Variants in SH3RF1 observed in about 807,000 individuals in gnomAD.
SH3RF1 encodes E3 ubiquitin-protein ligase SH3RF1.
A neutral mutation model predicts 74.0 loss-of-function variants in SH3RF1; 32 were observed. That is an observed-to-expected ratio of 0.43 (90% CI 0.33 to 0.58). The LOEUF (loss-of-function observed/expected upper bound fraction) is 0.58, where lower values mean the gene tolerates loss of function less well. Among genes scored for constraint, SH3RF1 ranks in the 20% least tolerant of loss-of-function variants. The pLI, the probability that SH3RF1 is intolerant of heterozygous loss-of-function variation, is 0.05. For missense variants in SH3RF1, 954 were observed against 1,130.9 expected, an observed-to-expected ratio of 0.84 and a Z score of 2.24; for synonymous variants, 396 against 439.6, an observed-to-expected ratio of 0.90 and a Z score of 1.24.
chr4:169,254,696 T>TAA (rs909149614), intron 2 of SH3RF1, among the ~76,000 whole-genome samples: 2 of 152,056 alleles, frequency 1.3e-5, no homozygotes, highest in African/African-American at 4.8e-5. Flanking sequence ...CATGAGGATG[T>TAA]AAAAACAAGG....
chr4:169,180,830 T>C (rs1313298100), intron 2 of SH3RF1, among the ~76,000 whole-genome samples: 1 of 152,222 alleles, frequency 6.6e-6, no homozygotes, highest in African/African-American at 2.4e-5. Flanking sequence ...TAGACACTTA[T>C]TCTTTAGGCT....
intron 8 of SH3RF1, 88 bp downstream of exon 8, chr4:169,120,731 T>C: frequency 1.4e-6 from 2 of 1,405,538 alleles, no homozygotes; most frequent in Non-Finnish European, 1.9e-6. Flanking sequence ...AATTATAATG[T>C]GAAAGGAATC....
At chr4:169,229,516 G>A (rs1239332812) in intron 2 of SH3RF1, among the ~76,000 whole-genome samples, 2 of 150,750 alleles carry the variant, frequency 1.3e-5, no homozygotes, top group Non-Finnish European at 2.9e-5. Flanking sequence ...ATTTGGAAAA[G>A]GACGTATACC....
intron 11 of SH3RF1, among the ~76,000 whole-genome samples, chr4:169,100,230 C>T (rs76840379): frequency 6.6e-6 from 1 of 152,306 alleles, no homozygotes; most frequent in African/African-American, 2.4e-5. Flanking sequence ...AATACTCTCC[C>T]ATGACCTACA....
chr4:169,199,488 A>C (rs778563407), intron 2 of SH3RF1, among the ~76,000 whole-genome samples: 1 of 152,164 alleles, frequency 6.6e-6, no homozygotes, highest in Non-Finnish European at 1.5e-5. Context: ...ATGAGGTCCA[A>C]GCACTCCCTA....
chr4:169,174,159 C>G (rs1364594877), intron 2 of SH3RF1, among the ~76,000 whole-genome samples: 2 of 152,096 alleles, frequency 1.3e-5, no homozygotes, highest in Non-Finnish European at 2.9e-5. Flanking sequence ...GACCTCCGGG[C>G]TGAAGTGATC....
intron 2 of SH3RF1, among the ~76,000 whole-genome samples, chr4:169,239,669 C>T (rs1730874807): frequency 1.3e-5 from 2 of 152,154 alleles, no homozygotes; most frequent in African/African-American, 4.8e-5. Context: ...AAAGGATACT[C>T]AGAATAGCTG....
intron 2 of SH3RF1, among the ~76,000 whole-genome samples, chr4:169,235,055 C>T (rs1158862374): frequency 6.6e-6 from 1 of 152,110 alleles, no homozygotes; most frequent in African/African-American, 2.4e-5. Flanking sequence ...ATTTAAGTTT[C>T]CCACATCTAG....
In SH3RF1 at chr4:169,116,466, T is replaced by C; in HGVS notation, c.1942A>G (p.Ser648Gly). 7 of 1,614,026 alleles carry C rather than the reference T, an allele frequency of 4.3e-6. No individual in the cohort carries two copies. The highest frequency in any genetic ancestry group is 5.9e-6 in the Non-Finnish European group (7 of 1,179,978). The change falls in exon 10 of 12, where the codon AGT (serine) becomes GGT (glycine). Residue 648 changes from serine (S) to glycine (G), a missense_variant. Ser to Gly is a moderately conservative substitution (Grantham distance 56, BLOSUM62 0). Transcript: ENST00000284637. ...PGSATHTAAI[S>G]ISRASAPLAC... is the part of the protein sequence containing the mutation. ...AGAGGGGCACTGGCTCGACTGATAC[T>C]GATGGCAGCAGTGTGCGTGGCTGAG...
intron 2 of SH3RF1, among the ~76,000 whole-genome samples, chr4:169,162,234 T>A (rs566812794): frequency 2.0e-5 from 3 of 152,180 alleles, no homozygotes; most frequent in African/African-American, 7.2e-5. Context: ...AAGTAAAATA[T>A]CTGTCAAGAT....
intron 2 of SH3RF1, among the ~76,000 whole-genome samples, chr4:169,248,379 A>T (rs545972203): frequency 1.2e-4 from 19 of 152,304 alleles, no homozygotes; most frequent in African/African-American, 4.3e-4. Context: ...CAGCAAACTA[A>T]CACAGGAACA....
At chr4:169,158,510 G>A (rs909234921) in intron 2 of SH3RF1, among the ~76,000 whole-genome samples, 1 of 152,172 alleles carries the variant, frequency 6.6e-6, no homozygotes, top group Non-Finnish European at 1.5e-5. Context: ...TTATTGCTGC[G>A]TTCTTCTGGT....
At chr4:169,227,638 T>G (rs554913087) in intron 2 of SH3RF1, among the ~76,000 whole-genome samples, 26 of 152,348 alleles carry the variant, frequency 1.7e-4, no homozygotes, top group African/African-American at 6.3e-4. Flanking sequence ...GCATTATTTA[T>G]TTTACTATAC....
chr4:169,165,390 G>T (rs1486931424), intron 2 of SH3RF1, among the ~76,000 whole-genome samples: 1 of 152,132 alleles, frequency 6.6e-6, no homozygotes, highest in Admixed American at 6.6e-5. Context: ...TATTAAAGAG[G>T]TTGGGTAACA....
chr4:169,100,503 G>A (rs978456719), intron 11 of SH3RF1, among the ~76,000 whole-genome samples: 29 of 152,074 alleles, frequency 1.9e-4, no homozygotes, highest in Middle Eastern at 3.4e-3. Context: ...CATCATGCCC[G>A]ACTAATTTTT....
chr4:169,228,882 A>G (rs889874053), intron 2 of SH3RF1, among the ~76,000 whole-genome samples: 1 of 152,190 alleles, frequency 6.6e-6, no homozygotes, highest in African/African-American at 2.4e-5. Flanking sequence ...TACTTCCACA[A>G]GTGTCTCCTA....
intron 4 of SH3RF1, among the ~76,000 whole-genome samples, chr4:169,147,533 G>A (rs1470430677): frequency 6.6e-6 from 1 of 152,286 alleles, no homozygotes; most frequent in South Asian, 2.1e-4. Flanking sequence ...AGAGAATACT[G>A]TACCAAGGAT....
chr4:169,189,718 G>A lies in SH3RF1; in HGVS notation c.394-33039C>T, dbSNP rs1265822395. Among the ~76,000 whole-genome samples the A allele has an allele frequency of 3.3e-5, 5 of 152,182 alleles. 1 individual carries two copies. In the South Asian group the frequency reaches 6.2e-4, roughly 19 times the overall value. On this transcript the variant is annotated intron_variant, in intron 2 of 11. Coordinates refer to ENST00000284637, the MANE Select transcript of SH3RF1 (RefSeq NM_020870.4). ...TTCTGACCCACTGCTGGTTAGCTGCGTGCTCTTGGGCAAGTTGCTCGAATC... is the reference window on the plus strand; with the variant it reads ...TTCTGACCCACTGCTGGTTAGCTGCATGCTCTTGGGCAAGTTGCTCGAATC...
At chr4:169,204,590 C>T (rs922887130) in intron 2 of SH3RF1, among the ~76,000 whole-genome samples, 6 of 125,388 alleles carry the variant, frequency 4.8e-5, no homozygotes, top group African/African-American at 1.8e-4. Flanking sequence ...CTCATTTTGT[C>T]GCCAGGCTGG....
Sources: gnomAD v4.1 joint callset for allele counts (sites outside exome capture counted in the v4.1 genomes callset) on GRCh38, gnomAD v4.1.1 for gene constraint, MANE v1.5 for transcripts, NCBI Gene and HGNC (gene_info 2026-07-23, HGNC 2026-07-21) for gene names.